LAMA2: variants seen among roughly 807,000 people sequenced by gnomAD.
LAMA2 encodes laminin subunit alpha-2.
LAMA2 carries 269 observed loss-of-function variants against 364.8 expected under a neutral mutation model. That is an observed-to-expected ratio of 0.74 (90% CI 0.67 to 0.82). The LOEUF (loss-of-function observed/expected upper bound fraction) is 0.82, where lower values mean the gene tolerates loss of function less well. LAMA2 is among the 40% of genes least tolerant of loss of function. The pLI is 0.00. For missense variants in LAMA2, 3,807 were observed against 3,873.2 expected (o/e 0.98, Z 0.45); for synonymous variants, 1,379 against 1,370.6 (o/e 1.01, Z -0.14).
At chr6:129,174,808 C>T (rs936497187) in intron 9 of LAMA2, among the ~76,000 whole-genome samples, 30 of 152,088 alleles carry the variant, frequency 2.0e-4, no homozygotes, top group Admixed American at 1.2e-3. Context: ...TGTTATCTGC[C>T]ATCTGTCTTT....
At chr6:129,240,677 C>A (rs558707865) in intron 12 of LAMA2, among the ~76,000 whole-genome samples, 1 of 152,154 alleles carries the variant, frequency 6.6e-6, no homozygotes, top group African/African-American at 2.4e-5. Context: ...GCTCCTGGAT[C>A]GCCGTTTCCT....
At chr6:128,996,814 G>C (rs562140545) in intron 1 of LAMA2, among the ~76,000 whole-genome samples, 1 of 152,248 alleles carries the variant, frequency 6.6e-6, no homozygotes, top group Admixed American at 6.5e-5. Context: ...CTACTATAAA[G>C]ACACATGCAC....
intron 20 of LAMA2, among the ~76,000 whole-genome samples, chr6:129,297,452 G>A (rs530283817): frequency 2.0e-5 from 3 of 152,250 alleles, no homozygotes; most frequent in East Asian, 1.9e-4. Context: ...TAAAGGAAGC[G>A]CCTAATTCTG....
At chr6:129,468,985 G>A (rs935218917) in intron 51 of LAMA2, among the ~76,000 whole-genome samples, 1 of 151,782 alleles carries the variant, frequency 6.6e-6, no homozygotes, top group African/African-American at 2.4e-5. Context: ...AGTTGCAGGC[G>A]ATCCAGGCCA....
intron 58 of LAMA2, among the ~76,000 whole-genome samples, chr6:129,497,839 G>C (rs921371394): frequency 1.3e-5 from 2 of 152,146 alleles, no homozygotes; most frequent in Non-Finnish European, 2.9e-5. Context: ...CTAGATTAAA[G>C]AGCATTTCAT....
chr6:128,929,486 C>CT (rs1308008886), intron 1 of LAMA2: 3 of 843,188 alleles, frequency 3.6e-6, no homozygotes, highest in Non-Finnish European at 6.3e-6. Flanking sequence ...CAGACAGACT[C>CT]TTTATGGTAT....
At chr6:128,905,598 TTTG>T (rs1562814680) in intron 1 of LAMA2, 1 of 151,946 alleles carries the variant, frequency 6.6e-6, no homozygotes, top group African/African-American at 2.4e-5. Flanking sequence ...TTCTTTTTTG[TTTG>T]TTTTTTTCGT....
intron 29 of LAMA2, among the ~76,000 whole-genome samples, chr6:129,332,314 C>T (rs1775702344): frequency 6.6e-6 from 1 of 152,106 alleles, no homozygotes; most frequent in African/African-American, 2.4e-5. Context: ...TTTATTTCAT[C>T]CATATTAAGA....
intron 3 of LAMA2, among the ~76,000 whole-genome samples, chr6:129,095,520 G>T (rs550350451): frequency 6.6e-6 from 1 of 152,112 alleles, no homozygotes; most frequent in African/African-American, 2.4e-5. Flanking sequence ...AGTCAGATTT[G>T]CTTCAGCCTC....
At chr6:129,310,061 G>C (rs1431266303) in intron 22 of LAMA2, among the ~76,000 whole-genome samples, 1 of 151,170 alleles carries the variant, frequency 6.6e-6, no homozygotes, top group Non-Finnish European at 1.5e-5. Flanking sequence ...TACCACGCCC[G>C]GCTAATTTTT....
chr6:129,515,908 C>G (rs1361954354), intron 64 of LAMA2, among the ~76,000 whole-genome samples: 1 of 151,906 alleles, frequency 6.6e-6, no homozygotes, highest in Non-Finnish European at 1.5e-5. Context: ...GGCAACACGG[C>G]GAAGGGAGGA....
chr6:129,317,911 T>C (rs550923963), intron 27 of LAMA2, among the ~76,000 whole-genome samples: 6 of 152,030 alleles, frequency 3.9e-5, no homozygotes, highest in East Asian at 1.9e-4. Flanking sequence ...TTTTTTTTTT[T>C]CCCGCCCTAT....
chr6:129,251,058 CTCTCTCTCTCTCTCTCTCTA>C (rs1448945556), intron 13 of LAMA2, among the ~76,000 whole-genome samples: 1,106 of 70,916 alleles, frequency 0.016, 3 homozygotes, highest in East Asian at 0.065. Context: ...CTCTCTCTCT[CTCTCTCTCTCTCTCTCTCTA>C]TATATATATA....
chr6:128,938,043 C>T (rs1042344290), intron 1 of LAMA2, among the ~76,000 whole-genome samples: 10 of 152,000 alleles, frequency 6.6e-5, no homozygotes, highest in Non-Finnish European at 1.0e-4. Flanking sequence ...ACCCATTGGT[C>T]ATTTTGGAGT....
At chr6:129,460,346 C>A in intron 49 of LAMA2, 22 bp downstream of exon 49, 2 of 1,609,792 alleles carry the variant, frequency 1.2e-6, no homozygotes, top group Non-Finnish European at 1.7e-6. Context: ...TGAGAACTCT[C>A]CCAGGGTCTG....
chr6:129,081,175 T>C (rs1034231949), intron 3 of LAMA2, among the ~76,000 whole-genome samples: 12 of 148,392 alleles, frequency 8.1e-5, no homozygotes, highest in Non-Finnish European at 1.0e-4. Context: ...TTCTCACTCA[T>C]AGGTGGGAAA....
At chr6:129,257,793 A>G (rs1335911191) in intron 14 of LAMA2, among the ~76,000 whole-genome samples, 1 of 152,100 alleles carries the variant, frequency 6.6e-6, no homozygotes, top group Non-Finnish European at 1.5e-5. Flanking sequence ...CTCAAGTTCT[A>G]ATGATAACAG....
Position 129,226,493 on chromosome 6 carries a change from C to T in LAMA2, c.1783-23619C>T, listed in dbSNP as rs530442137. On this transcript the variant is annotated intron_variant, in intron 12 of 64. Transcript: ENST00000421865. ...ACTGGTTGTTCCTTTCCATGTTTAG[C>T]ACTTCCTTCAGGAGCTCTTTTAGGG... 1.8e-3 allele frequency among the ~76,000 whole-genome samples: 267 copies of T among 152,138 alleles called. 1 individual carries two copies. The highest frequency in any genetic ancestry group is 5.0e-3 in the African/African-American group (208 of 41,514).
chr6:129,299,362 G>A (rs543438824), intron 21 of LAMA2, among the ~76,000 whole-genome samples: 10 of 152,064 alleles, frequency 6.6e-5, no homozygotes, highest in Admixed American at 2.6e-4. Context: ...TTGAGTTAGC[G>A]GCTATAAAAT....
Sources: allele counts gnomAD v4.1 joint callset (sites outside exome capture counted in the v4.1 genomes callset), GRCh38; gene constraint gnomAD v4.1.1; transcripts MANE v1.5; gene names NCBI Gene and HGNC (gene_info 2026-07-23, HGNC 2026-07-21).